Variants in SYT1 observed in about 807,000 individuals in gnomAD.
SYT1 encodes the protein synaptotagmin 1, also known as synaptotagmin-1.
Under a neutral mutation model 44.8 loss-of-function variants are expected in SYT1, and 8 were observed. That is an observed-to-expected ratio of 0.18 (90% CI 0.10 to 0.32). The LOEUF (loss-of-function observed/expected upper bound fraction) is 0.32. Ranked by LOEUF, SYT1 falls within the 10% of genes least tolerant of loss-of-function variation. SYT1 has a pLI of 1.00. For missense variants in SYT1, 286 were observed against 509.3 expected, an observed-to-expected ratio of 0.56 and a Z score of 4.22; for synonymous variants, 154 against 188.8, an observed-to-expected ratio of 0.82 and a Z score of 1.51.
At chr12:79,412,970 T>C (rs11114110) in intron 9 of SYT1, among the ~76,000 whole-genome samples, 4 of 152,074 alleles carry the variant, frequency 2.6e-5, no homozygotes, top group Non-Finnish European at 5.9e-5. Flanking sequence ...ATATTTAGCC[T>C]TTTTTATTAT....
At chr12:79,189,125 T>G (rs1751027288) in intron 3 of SYT1, among the ~76,000 whole-genome samples, 1 of 152,262 alleles carries the variant, frequency 6.6e-6, no homozygotes, top group Non-Finnish European at 1.5e-5. Flanking sequence ...GCTTTCTGAC[T>G]TTTGGAAGCA....
In SYT1 at chr12:79,181,450, A is replaced by G. The variant is rs567580190; in HGVS notation, c.-17-36053A>G. ...TGCATATCACATTGTTTCTTAGAGT[A>G]TGGATCAATACATATAGCATTTTTG... is the stretch of plus-strand genomic sequence containing the variant. On this transcript the variant is annotated intron_variant, in intron 3 of 10. Transcript: ENST00000261205. 2.6e-5 allele frequency among the ~76,000 whole-genome samples: 4 copies of G among 152,194 alleles called. No homozygotes were observed. The South Asian group carries it at 6.2e-4, about 24-fold the overall frequency.
At chr12:78,877,579 A>G (rs10778271) in intron 1 of SYT1, among the ~76,000 whole-genome samples, 76,229 of 151,626 alleles carry the variant, frequency 0.5, 19,632 homozygotes, top group Non-Finnish European at 0.56. Context: ...GCTTTCTGAT[A>G]CTTTTCAATT....
chr12:78,991,441 A>G (rs1870003648), intron 2 of SYT1, among the ~76,000 whole-genome samples: 1 of 152,084 alleles, frequency 6.6e-6, no homozygotes, highest in Non-Finnish European at 1.5e-5. Context: ...CGAATGAAAA[A>G]ACCTCACAGT....
At chr12:79,265,719 A>G (rs374737758) in intron 4 of SYT1, among the ~76,000 whole-genome samples, 1 of 152,152 alleles carries the variant, frequency 6.6e-6, no homozygotes, top group Admixed American at 6.5e-5. Context: ...TAGCTATTCT[A>G]CAATATGGTG....
intron 3 of SYT1, among the ~76,000 whole-genome samples, chr12:79,178,953 TAGATATAG>T (rs1872097551): frequency 1.2e-5 from 1 of 80,954 alleles, no homozygotes; most frequent in African/African-American, 6.1e-5. Context: ...GATATAGATA[TAGATATAG>T]ATATAGATAT....
intron 4 of SYT1, among the ~76,000 whole-genome samples, chr12:79,224,840 C>G (rs919205182): frequency 3.3e-5 from 5 of 150,792 alleles, no homozygotes; most frequent in Admixed American, 6.6e-5. Flanking sequence ...AATGCAATGG[C>G]GTGATCTCAG....
intron 9 of SYT1, among the ~76,000 whole-genome samples, chr12:79,371,511 G>T (rs1377132051): frequency 6.6e-6 from 1 of 152,192 alleles, no homozygotes; most frequent in East Asian, 1.9e-4. Context: ...ATGAGCTAAA[G>T]AAACAATTGC....
intron 2 of SYT1, among the ~76,000 whole-genome samples, chr12:79,042,418 T>A (rs1873656026): frequency 6.7e-6 from 1 of 148,352 alleles, no homozygotes; most frequent in African/African-American, 2.5e-5. Context: ...TGCGTAGAGG[T>A]GTTTGTAGTA....
At chr12:79,446,014 T>C (rs997153778) in intron 10 of SYT1, among the ~76,000 whole-genome samples, 12 of 126,288 alleles carry the variant, frequency 9.5e-5, no homozygotes, top group South Asian at 7.4e-4. Flanking sequence ...TATATATATA[T>C]ATATATATAT....
At chr12:79,291,756 T>C (rs911199074) in intron 5 of SYT1, 2 of 575,930 alleles carry the variant, frequency 3.5e-6, no homozygotes, top group African/African-American at 1.8e-5. Context: ...AATGTTACAT[T>C]TTTTGCTTGC....
At chr12:79,103,740 A>G (rs926098711) in intron 3 of SYT1, among the ~76,000 whole-genome samples, 2 of 151,728 alleles carry the variant, frequency 1.3e-5, no homozygotes, top group African/African-American at 2.4e-5. Context: ...CCCTGGTTAA[A>G]CTGTATCTGT....
intron 3 of SYT1, among the ~76,000 whole-genome samples, chr12:79,178,074 G>T (rs1375790218): frequency 6.6e-6 from 1 of 151,762 alleles, no homozygotes; most frequent in African/African-American, 2.4e-5. Context: ...GTCAATTTTG[G>T]CTTTTGTTGC....
At chr12:79,395,454 A>T (rs1335608337) in intron 9 of SYT1, among the ~76,000 whole-genome samples, 1 of 152,156 alleles carries the variant, frequency 6.6e-6, no homozygotes, top group African/African-American at 2.4e-5. Flanking sequence ...CCTGACCTCA[A>T]GTGATCCTCC....
intron 3 of SYT1, among the ~76,000 whole-genome samples, chr12:79,151,052 G>A (rs991056994): frequency 6.6e-6 from 1 of 152,138 alleles, no homozygotes; most frequent in African/African-American, 2.4e-5. Flanking sequence ...CAATGGTAAT[G>A]ACTGTGCCAC....
At position 78,961,570 on chromosome 12, in the gene SYT1, G is replaced by T. The variant is rs548355973; in HGVS notation, c.-216-16229G>T. Among the ~76,000 whole-genome samples, 27 of 151,972 alleles carry T rather than the reference G, an allele frequency of 1.8e-4. No homozygotes were observed. In the East Asian group the frequency reaches 4.8e-3, roughly 27 times the overall value. On this transcript the variant is annotated intron_variant, in intron 1 of 10. Transcript: ENST00000261205. ...GAGAAGATTTTATCTTTGTAACTAT[G>T]TCTCCTATAGTAGGTTGATATTTCC...
intron 8 of SYT1, among the ~76,000 whole-genome samples, chr12:79,349,261 G>A (rs922708901): frequency 1.3e-5 from 2 of 152,076 alleles, no homozygotes; most frequent in African/African-American, 4.8e-5. Context: ...AGAAATATCA[G>A]GACTTGTGGG....
intron 3 of SYT1, among the ~76,000 whole-genome samples, chr12:79,125,801 C>T (rs1272517212): frequency 6.6e-6 from 1 of 152,090 alleles, no homozygotes; most frequent in Non-Finnish European, 1.5e-5. Flanking sequence ...ACAGGTAGCC[C>T]CCAAGTTTCT....
At position 79,449,368 on chromosome 12, in the gene SYT1, A is replaced by T. The variant is rs749470105; in HGVS notation, c.*244A>T. ...CAATATGATGTGTAGATAGAGCATGAATGAAATTATTTATTGTATCACACT... is the reference window on the plus strand; with the variant it reads ...CAATATGATGTGTAGATAGAGCATGTATGAAATTATTTATTGTATCACACT... On this transcript the variant is annotated 3_prime_UTR_variant, in exon 11 of 11. Coordinates refer to ENST00000261205, the MANE Select transcript of SYT1 (RefSeq NM_005639.3). The T allele has an allele frequency of 7.3e-5, 36 of 496,550 alleles. No homozygotes were observed. Among genetic ancestry groups the T allele is most frequent in the Admixed American group, 1.4e-4 (4 of 28,298 alleles). 30.8% of individuals were successfully genotyped at this position (496,550 alleles called of 1,614,324 possible).
Sources: gnomAD v4.1 joint callset for allele counts (sites outside exome capture counted in the v4.1 genomes callset) on GRCh38, gnomAD v4.1.1 for gene constraint, MANE v1.5 for transcripts, NCBI Gene and HGNC (gene_info 2026-07-23, HGNC 2026-07-21) for gene names.